FLRT2: variants seen among roughly 807,000 people sequenced by gnomAD.
FLRT2 encodes the protein fibronectin leucine rich transmembrane protein 2, also known as leucine-rich repeat transmembrane protein FLRT2.
In FLRT2, 15 loss-of-function variants were observed where a neutral mutation model predicts 40.0. The ratio of observed to expected loss-of-function variants is 0.38; its 90% CI spans 0.25 to 0.58. The LOEUF (loss-of-function observed/expected upper bound fraction) is 0.58, where lower values mean the gene tolerates loss of function less well. FLRT2 is among the 20% of genes least tolerant of loss of function. The pLI is 0.71. For missense variants in FLRT2, 726 were observed against 840.0 expected (o/e 0.86, Z 1.68); for synonymous variants, 380 against 336.8 (o/e 1.13, Z -1.41).
In FLRT2 at chr14:85,543,806, C is replaced by T. The variant is rs564334838; in HGVS notation, c.-377+13272C>T. On this transcript the variant is annotated intron_variant, in intron 1 of 1. Transcript: ENST00000330753. Reference sequence around the variant, plus strand: ...TGGCAAACTCTTCCTTTAAGAGGCACGTGGATGACACTTTCCCTCCTGGTT... The same window carrying T: ...TGGCAAACTCTTCCTTTAAGAGGCATGTGGATGACACTTTCCCTCCTGGTT... 6.6e-5 allele frequency among the ~76,000 whole-genome samples: 10 copies of T among 152,270 alleles called. 1 individual carries two copies. In the South Asian group the frequency reaches 8.3e-4, roughly 13 times the overall value.
chr14:85,545,044 AT>A (rs1889202775), intron 1 of FLRT2, among the ~76,000 whole-genome samples: 1 of 152,102 alleles, frequency 6.6e-6, no homozygotes, highest in Non-Finnish European at 1.5e-5. Context: ...ACATGAGATG[AT>A]TTTTGATCAG....
At chr14:85,605,847 G>A (rs529862214) in intron 1 of FLRT2, among the ~76,000 whole-genome samples, 112 of 152,192 alleles carry the variant, frequency 7.4e-4, no homozygotes, top group Non-Finnish European at 1.2e-3. Flanking sequence ...ATCTTTTGAC[G>A]TACAGCTCAG....
chr14:85,574,225 T>A (rs1159344036), intron 1 of FLRT2, among the ~76,000 whole-genome samples: 1 of 151,530 alleles, frequency 6.6e-6, no homozygotes, highest in Non-Finnish European at 1.5e-5. Flanking sequence ...AAATAGAGGA[T>A]AAATGATAAT....
At chr14:85,531,464 A>G (rs1379424558) in intron 1 of FLRT2, among the ~76,000 whole-genome samples, 1 of 152,094 alleles carries the variant, frequency 6.6e-6, no homozygotes, top group Admixed American at 6.5e-5. Flanking sequence ...TTTATAATCA[A>G]GCCCAAGATC....
At chr14:85,616,626 T>G (rs1893147604) in intron 1 of FLRT2, among the ~76,000 whole-genome samples, 1 of 152,198 alleles carries the variant, frequency 6.6e-6, no homozygotes, top group Admixed American at 6.5e-5. Flanking sequence ...GGCCTCTCTA[T>G]CCTTCCGATT....
intron 1 of FLRT2, among the ~76,000 whole-genome samples, chr14:85,547,156 C>T (rs1439862529): frequency 6.6e-6 from 1 of 152,068 alleles, no homozygotes; most frequent in Non-Finnish European, 1.5e-5. Context: ...TCTAAACTCC[C>T]CAGTTTGACT....
rs976390878 is a variant in FLRT2, at chr14:85,645,765, G to C, written c.*22268G>C. 2.6e-5 allele frequency: 4 copies of C among 152,218 alleles called. No individual in the cohort carries two copies. In the East Asian group the frequency reaches 7.7e-4, roughly 29 times the overall value. 9.4% of individuals were successfully genotyped at this position (152,218 alleles called of 1,614,324 possible). A position where few individuals can be genotyped will look rare whatever the true frequency, so the allele number is the denominator to read the frequency against. On this transcript the variant is annotated 3_prime_UTR_variant, in exon 2 of 2. Coordinates refer to ENST00000330753, the MANE Select transcript of FLRT2 (RefSeq NM_013231.6). ...TCCCCAGCCACCCTCCTCACGTCTTGCTCAATGACTTCATGAATGAAAAGT... is the reference window on the plus strand; with the variant it reads ...TCCCCAGCCACCCTCCTCACGTCTTCCTCAATGACTTCATGAATGAAAAGT...
rs1294480594 is a variant in FLRT2 at position 85,632,512 on chromosome 14, G to GA, written c.*9019dup. ...CCTTGCAACAAAATATCGCCATCAT[G>GA]AAAAGTCCACAAAGCACAAGTAGAC... On this transcript the variant is annotated 3_prime_UTR_variant, in exon 2 of 2. Coordinates refer to ENST00000330753, the MANE Select transcript of FLRT2 (RefSeq NM_013231.6). 6.8e-6 allele frequency: 1 copy of GA among 147,800 alleles called. No individual in the cohort carries two copies. The highest frequency in any genetic ancestry group is 2.5e-5 in the African/African-American group (1 of 40,290). 9.2% of individuals were successfully genotyped at this position (147,800 alleles called of 1,614,324 possible).
At position 85,574,360 on chromosome 14, in the gene FLRT2, T is replaced by C. The variant is rs114550079; in HGVS notation, c.-377+43826T>C. 2.9e-3 allele frequency among the ~76,000 whole-genome samples: 436 copies of C among 152,222 alleles called. 4 individuals are homozygous for C. Among genetic ancestry groups the C allele is most frequent in the African/African-American group, 9.8e-3 (409 of 41,578 alleles). ...GATAATGCATATTCTTGCATGCATA[T>C]GTCCCACGCAATATTCGAATCTTGT... On this transcript the variant is annotated intron_variant, in intron 1 of 1. Coordinates refer to ENST00000330753, the MANE Select transcript of FLRT2 (RefSeq NM_013231.6).
rs1249199148 is a variant in FLRT2, at chr14:85,641,021, T to G, written c.*17524T>G. 6.6e-6 allele frequency: 1 copy of G among 152,238 alleles called. No individual in the cohort carries two copies. The highest frequency in any genetic ancestry group is 1.5e-5 in the Non-Finnish European group (1 of 68,052). 9.4% of individuals were successfully genotyped at this position (152,238 alleles called of 1,614,324 possible). A position where few individuals can be genotyped will look rare whatever the true frequency, so the allele number is the denominator to read the frequency against. On this transcript the variant is annotated 3_prime_UTR_variant, in exon 2 of 2. Coordinates refer to ENST00000330753, the MANE Select transcript of FLRT2 (RefSeq NM_013231.6). ...ATGCATAGAAAGCATGTACTACATC[T>G]AGTGCATTTCTCCATAATGTGGGTG...
intron 1 of FLRT2, among the ~76,000 whole-genome samples, chr14:85,536,628 A>G (rs1004277016): frequency 7.7e-6 from 1 of 129,878 alleles, no homozygotes; most frequent in Admixed American, 8.6e-5. Context: ...TGAGAAGTGA[A>G]TACTCATGGT....
rs934746233 is a variant in FLRT2 at position 85,644,739 on chromosome 14, G to C, written c.*21242G>C. ...TCAATACTTAGTAATCCCTAAAGCTGTGAATTTGGAGTTTGTTGCTGAGGA... is the reference window on the plus strand; with the variant it reads ...TCAATACTTAGTAATCCCTAAAGCTCTGAATTTGGAGTTTGTTGCTGAGGA... On this transcript the variant is annotated 3_prime_UTR_variant, in exon 2 of 2. Transcript: ENST00000330753. 3 of 152,188 alleles carry C rather than the reference G, an allele frequency of 2.0e-5. No homozygotes were observed. The highest frequency in any genetic ancestry group is 7.2e-5 in the African/African-American group (3 of 41,452). 9.4% of individuals were successfully genotyped at this position (152,188 alleles called of 1,614,324 possible).
At chr14:85,572,614 C>T (rs543930974) in intron 1 of FLRT2, among the ~76,000 whole-genome samples, 9 of 152,232 alleles carry the variant, frequency 5.9e-5, no homozygotes, top group African/African-American at 2.2e-4. Context: ...CTCATTTTTC[C>T]TGCATGTTGC....
In FLRT2 at chr14:85,647,948, T is replaced by G. The variant is rs542152361; in HGVS notation, c.*24451T>G. On this transcript the variant is annotated 3_prime_UTR_variant, in exon 2 of 2. Transcript: ENST00000330753. ...GGCCAGTTGCAGAGTAAGAAATTAA[T>G]AACTACTCCTGTTCTCTTCTTTGCC... The G allele has an allele frequency of 6.6e-6, 1 of 152,204 alleles. No homozygotes were observed. The highest frequency in any genetic ancestry group is 1.5e-5 in the Non-Finnish European group (1 of 68,032). 9.4% of individuals were successfully genotyped at this position (152,204 alleles called of 1,614,324 possible).
At position 85,650,400 on chromosome 14, in the gene FLRT2, T is replaced by C. The variant is rs1469809503; in HGVS notation, c.*26903T>C. On this transcript the variant is annotated 3_prime_UTR_variant, in exon 2 of 2. Transcript: ENST00000330753. The stretch of plus-strand genomic sequence containing the variant: ...GAACATTTCCACTGTTTTACATTTT[T>C]TAGTATCATAAACTATCCTTCAATG... The C allele has an allele frequency of 1.3e-5, 2 of 152,030 alleles. No individual in the cohort carries two copies. The highest frequency in any genetic ancestry group is 4.8e-5 in the African/African-American group (2 of 41,430). 9.4% of individuals were successfully genotyped at this position (152,030 alleles called of 1,614,324 possible). A position where few individuals can be genotyped will look rare whatever the true frequency, so the allele number is the denominator to read the frequency against.
At position 85,632,655 on chromosome 14, in the gene FLRT2, T is replaced by C. The variant is rs1879086971; in HGVS notation, c.*9158T>C. ...ATTAAAAAAGACAGTCATTATTCAC[T>C]ATGTCATATCCCATATAAAAATACA... is the stretch of plus-strand genomic sequence containing the variant. On this transcript the variant is annotated 3_prime_UTR_variant, in exon 2 of 2. Coordinates refer to ENST00000330753, the MANE Select transcript of FLRT2 (RefSeq NM_013231.6). 2 of 152,058 alleles carry C rather than the reference T, an allele frequency of 1.3e-5. No individual in the cohort carries two copies. The highest frequency in any genetic ancestry group is 2.9e-5 in the Non-Finnish European group (2 of 68,022). 9.4% of individuals were successfully genotyped at this position (152,058 alleles called of 1,614,324 possible).
Position 85,640,190 on chromosome 14 carries a change from G to C in FLRT2, c.*16693G>C, listed in dbSNP as rs1894119904. The C allele has an allele frequency of 6.6e-6, 1 of 152,134 alleles. No homozygotes were observed. Among genetic ancestry groups the C allele is most frequent in the South Asian group, 2.1e-4 (1 of 4,830 alleles). The allele number at this position is 152,134 out of a possible 1,614,324, so 9.4% of individuals were successfully genotyped here. On this transcript the variant is annotated 3_prime_UTR_variant, in exon 2 of 2. Transcript: ENST00000330753. ...AACAGTTATTGTTATCTAACTACTT[G>C]ACTAGTGTAGATTCTGCTGTGAGCT... is the stretch of plus-strand genomic sequence containing the variant.
In FLRT2 at chr14:85,650,803, T is replaced by C. The variant is rs17121413; in HGVS notation, c.*27306T>C. 26,516 of 151,816 alleles carry C rather than the reference T, an allele frequency of 0.17. 2,552 individuals are homozygous for C. Among genetic ancestry groups the C allele is most frequent in the African/African-American group, 0.24 (9,947 of 41,400 alleles). 9.4% of individuals were successfully genotyped at this position (151,816 alleles called of 1,614,324 possible). On this transcript the variant is annotated 3_prime_UTR_variant, in exon 2 of 2. Transcript: ENST00000330753. ...CATATTCTCTATACATGCTGAATGG[T>C]GTTAGCTAGCTATATTCTTTGCAAT... is the stretch of plus-strand genomic sequence containing the variant.
At chr14:85,563,886 G>T (rs887315694) in intron 1 of FLRT2, among the ~76,000 whole-genome samples, 6 of 152,314 alleles carry the variant, frequency 3.9e-5, no homozygotes, top group Admixed American at 3.9e-4. Flanking sequence ...CCATGAGTAT[G>T]TCTGCTATTT....
Sources: allele counts gnomAD v4.1 joint callset (sites outside exome capture counted in the v4.1 genomes callset), GRCh38; gene constraint gnomAD v4.1.1; transcripts MANE v1.5; gene names NCBI Gene and HGNC (gene_info 2026-07-23, HGNC 2026-07-21).